The following MUSK variants were observed in gnomAD, a reference collection of about 807,000 sequenced individuals.
MUSK encodes muscle associated receptor tyrosine kinase, also known as muscle, skeletal receptor tyrosine-protein kinase.
A neutral mutation model predicts 88.7 loss-of-function variants in MUSK; 55 were observed. The observed-to-expected ratio is 0.62, with a 90% CI of 0.50 to 0.78. The LOEUF is 0.78. Among genes scored for constraint, MUSK ranks in the 30% least tolerant of loss-of-function variants. The pLI, the probability that MUSK is intolerant of heterozygous loss-of-function variation, is 0.00. For synonymous variants in MUSK, 387 were observed against 391.9 expected, an observed-to-expected ratio of 0.99 and a Z score of 0.15; for missense variants, 1,015 against 1,074.3, an observed-to-expected ratio of 0.94 and a Z score of 0.77.
chr9:110,706,095 C>T (rs774334303), intron 5 of MUSK: 5 of 530,886 alleles, frequency 9.4e-6, no homozygotes, highest in Non-Finnish European at 1.9e-5. Flanking sequence ...GCATTCACAC[C>T]CAGTTTGTGG....
intron 3 of MUSK, among the ~76,000 whole-genome samples, chr9:110,691,472 G>A (rs866248039): frequency 9.9e-5 from 15 of 152,060 alleles, no homozygotes; most frequent in South Asian, 2.1e-4. Flanking sequence ...ATTCGTCTCT[G>A]TTCTCCTTTC....
At position 110,713,230 on chromosome 9, in the gene MUSK, T is replaced by C. The variant is rs372955608; in HGVS notation, c.628+15764T>C. On this transcript the variant is annotated intron_variant, in intron 5 of 14. Coordinates refer to ENST00000374448, the MANE Select transcript of MUSK (RefSeq NM_005592.4). ...GACTCACAGGCTAACATGGAGATCA[T>C]CTTCTTGGTATCTTCTCTTGGACCT... 5.9e-5 allele frequency among the ~76,000 whole-genome samples: 9 copies of C among 151,412 alleles called. No homozygotes were observed. The East Asian group carries it at 1.2e-3, about 20-fold the overall frequency.
At chr9:110,685,567 C>T (rs2076185321) in intron 2 of MUSK, among the ~76,000 whole-genome samples, 1 of 152,150 alleles carries the variant, frequency 6.6e-6, no homozygotes, top group Admixed American at 6.6e-5. Context: ...TTGTTTTCCA[C>T]ATAACTGCAG....
chr9:110,694,808 T>C (rs965049351), intron 3 of MUSK, among the ~76,000 whole-genome samples: 1 of 152,036 alleles, frequency 6.6e-6, no homozygotes, highest in Non-Finnish European at 1.5e-5. Context: ...TTCTGAAAGA[T>C]TAAAAGTGTT....
intron 6 of MUSK, among the ~76,000 whole-genome samples, chr9:110,735,306 C>T (rs2077016048): frequency 6.6e-6 from 1 of 152,022 alleles, no homozygotes; most frequent in Non-Finnish European, 1.5e-5. Flanking sequence ...TAGAATCAAA[C>T]TAAGTATCCA....
Position 110,682,791 on chromosome 9 carries a change from T to C in MUSK, c.197T>C (p.Ile66Thr). 1 of 1,611,908 alleles carries C rather than the reference T, an allele frequency of 6.2e-7. No homozygotes were observed. Among genetic ancestry groups the C allele is most frequent in the Non-Finnish European group, 8.5e-7 (1 of 1,178,622 alleles). ...GAGATTTCCTGGACTAGAAATAAAATTCTCATTAAGTAAGTATTCCACATT... is the reference window on the plus strand; with the variant it reads ...GAGATTTCCTGGACTAGAAATAAAACTCTCATTAAGTAAGTATTCCACATT... ...QPEISWTRNK[I>T]LIKLFDTRYS... Residue 66 changes from isoleucine (I) to threonine (T), a missense_variant, in exon 2 of 15, where the codon ATT (isoleucine) becomes ACT (threonine). Coordinates refer to ENST00000374448, the MANE Select transcript of MUSK (RefSeq NM_005592.4).
In MUSK at chr9:110,685,330, T is replaced by A. The variant is rs147669817; in HGVS notation, c.207-1787T>A. ...AGTTTCACTTGGTGATGATATATGA[T>A]CTTTCTAATGTATTGTTGAATTTGG... On this transcript the variant is annotated intron_variant, in intron 2 of 14. Coordinates refer to ENST00000374448, the MANE Select transcript of MUSK (RefSeq NM_005592.4). Among the ~76,000 whole-genome samples, 193 of 152,222 alleles carry A rather than the reference T, an allele frequency of 1.3e-3. 2 individuals are homozygous for A. In the Middle Eastern group the frequency reaches 0.031, roughly 24 times the overall value.
chr9:110,681,791 T>A (rs2076140115), intron 1 of MUSK, among the ~76,000 whole-genome samples: 1 of 152,096 alleles, frequency 6.6e-6, no homozygotes, highest in South Asian at 2.1e-4. Context: ...CCAAACAACG[T>A]GCCAGTCTGT....
At chr9:110,711,090 A>G (rs1428546316) in intron 5 of MUSK, among the ~76,000 whole-genome samples, 2 of 151,844 alleles carry the variant, frequency 1.3e-5, no homozygotes, top group African/African-American at 4.8e-5. Flanking sequence ...CACACACCGG[A>G]GCCTGTTGTG....
chr9:110,732,927 T>C (rs1476478965), intron 5 of MUSK, among the ~76,000 whole-genome samples: 1 of 152,092 alleles, frequency 6.6e-6, no homozygotes, highest in Non-Finnish European at 1.5e-5. Flanking sequence ...CTTTAAATTA[T>C]GCAATGCTTT....
intron 14 of MUSK, among the ~76,000 whole-genome samples, chr9:110,790,485 T>C (rs550952060): frequency 2.0e-5 from 3 of 152,244 alleles, no homozygotes; most frequent in African/African-American, 7.2e-5. Flanking sequence ...GGTTGGCAAA[T>C]AGTGGAAGTA....
chr9:110,673,080 A>G (rs1008019442), intron 1 of MUSK, among the ~76,000 whole-genome samples: 10 of 152,244 alleles, frequency 6.6e-5, no homozygotes, highest in Non-Finnish European at 1.3e-4. Flanking sequence ...GTCAACAAAT[A>G]TCATTAAATA....
At chr9:110,669,677 A>G (rs577768109) in intron 1 of MUSK, among the ~76,000 whole-genome samples, 1 of 152,340 alleles carries the variant, frequency 6.6e-6, no homozygotes, top group East Asian at 1.9e-4. Context: ...TGCAGTAGCA[A>G]GAATGTCCAG....
chr9:110,768,431 G>A (rs1038739792), intron 9 of MUSK, among the ~76,000 whole-genome samples: 3 of 152,182 alleles, frequency 2.0e-5, no homozygotes, highest in Admixed American at 6.5e-5. Flanking sequence ...GGGAGGCAGA[G>A]GTTGCAGTGA....
At chr9:110,691,135 G>A (rs1257234214) in intron 3 of MUSK, among the ~76,000 whole-genome samples, 1 of 152,016 alleles carries the variant, frequency 6.6e-6, no homozygotes, top group Non-Finnish European at 1.5e-5. Flanking sequence ...AAAGTTCTGG[G>A]ATTACAGGCA....
intron 5 of MUSK, among the ~76,000 whole-genome samples, chr9:110,707,411 T>G (rs1476964276): frequency 2.6e-5 from 4 of 152,200 alleles, no homozygotes; most frequent in Non-Finnish European, 1.5e-5. Context: ...CACTTATTTA[T>G]TTGAGGCTGA....
rs10453230 is a variant in MUSK at position 110,692,926 on chromosome 9, T to C, written c.359-2477T>C. Among the ~76,000 whole-genome samples the C allele has an allele frequency of 4.0e-3, 613 of 152,272 alleles. 4 individuals are homozygous for C. The highest frequency in any genetic ancestry group is 0.022 in the South Asian group (105 of 4,822). ...ATTTTTCTCAAATTGATCTTTTATT[T>C]TTTGATCATAATAAATATACATGGA... On this transcript the variant is annotated intron_variant, in intron 3 of 14. Transcript: ENST00000374448.
chr9:110,801,045 G>T lies in MUSK; in HGVS notation c.*57G>T. Reference sequence around the variant, plus strand: ...TTCCTCTCAGACTCTGTGAGCCAGGGGAATCCTACACCAGAGGCCCAACAA... The same window carrying T: ...TTCCTCTCAGACTCTGTGAGCCAGGTGAATCCTACACCAGAGGCCCAACAA... On this transcript the variant is annotated 3_prime_UTR_variant, in exon 15 of 15. Coordinates refer to ENST00000374448, the MANE Select transcript of MUSK (RefSeq NM_005592.4). 1 of 1,413,654 alleles carries T rather than the reference G, an allele frequency of 7.1e-7. No individual in the cohort carries two copies. The highest frequency in any genetic ancestry group is 2.4e-5 in the East Asian group (1 of 41,762). 87.6% of individuals were successfully genotyped at this position (1,413,654 alleles called of 1,614,324 possible).
chr9:110,778,654 A>G (rs571097198), intron 11 of MUSK, among the ~76,000 whole-genome samples: 4 of 151,996 alleles, frequency 2.6e-5, no homozygotes, highest in Non-Finnish European at 5.9e-5. Context: ...AATGTGTCCA[A>G]TTTTACCCAT....
Sources: gnomAD v4.1 joint callset for allele counts (sites outside exome capture counted in the v4.1 genomes callset) on GRCh38, gnomAD v4.1.1 for gene constraint, MANE v1.5 for transcripts, NCBI Gene and HGNC (gene_info 2026-07-23, HGNC 2026-07-21) for gene names.